VPS26C: variants seen among roughly 807,000 people sequenced by gnomAD.
VPS26C encodes vacuolar protein sorting-associated protein 26C.
Under a neutral mutation model 30.6 loss-of-function variants are expected in VPS26C, and 19 were observed. That is an observed-to-expected ratio of 0.62 (90% CI 0.43 to 0.91). VPS26C has a LOEUF of 0.91. VPS26C is among the 40% of genes least tolerant of loss of function. The pLI, the probability that VPS26C is intolerant of heterozygous loss-of-function variation, is 0.00. For missense variants in VPS26C, 318 were observed against 385.1 expected (o/e 0.83, Z 1.46); for synonymous variants, 132 against 151.5 (o/e 0.87, Z 0.95).
At chr21:37,254,934 G>C (rs886673388) in intron 1 of VPS26C, among the ~76,000 whole-genome samples, 1 of 152,150 alleles carries the variant, frequency 6.6e-6, no homozygotes, top group South Asian at 2.1e-4. Context: ...AGGCTCTGGG[G>C]ACAGATCACC....
intron 1 of VPS26C, among the ~76,000 whole-genome samples, chr21:37,244,638 A>C (rs1385055253): frequency 1.3e-5 from 2 of 152,238 alleles, no homozygotes; most frequent in Non-Finnish European, 2.9e-5. Context: ...CTGGATTTGA[A>C]AATAGTGGCA....
At chr21:37,242,031 C>A (rs527739195) in intron 1 of VPS26C, among the ~76,000 whole-genome samples, 2 of 152,238 alleles carry the variant, frequency 1.3e-5, no homozygotes, top group Admixed American at 1.3e-4. Flanking sequence ...GTTTCCACTC[C>A]CCATCCCAAA....
chr21:37,245,369 G>A (rs1465304387), intron 1 of VPS26C, among the ~76,000 whole-genome samples: 1 of 152,062 alleles, frequency 6.6e-6, no homozygotes. Flanking sequence ...CTGCTCCCTC[G>A]CTCCTGCCCT....
chr21:37,255,472 C>T (rs1256401927), intron 1 of VPS26C, among the ~76,000 whole-genome samples: 1 of 152,188 alleles, frequency 6.6e-6, no homozygotes, highest in Non-Finnish European at 1.5e-5. Flanking sequence ...TACTGGCCAC[C>T]AGAGACCTGC....
At chr21:37,225,693 C>A in intron 7 of VPS26C, 67 bp from the exon 8 acceptor site, 1 of 1,356,540 alleles carries the variant, frequency 7.4e-7, no homozygotes, top group South Asian at 1.2e-5. Context: ...ACGCCGCCAC[C>A]ACTGCAGTCG....
chr21:37,227,357 G>A (rs534043076), intron 7 of VPS26C: 9 of 361,006 alleles, frequency 2.5e-5, no homozygotes, highest in Admixed American at 1.7e-4. Context: ...AGAGCTCAGC[G>A]TCACCTGCCC....
At chr21:37,250,078 C>T (rs940106814) in intron 1 of VPS26C, among the ~76,000 whole-genome samples, 8 of 151,436 alleles carry the variant, frequency 5.3e-5, no homozygotes, top group Non-Finnish European at 8.8e-5. Context: ...CTGAGGCAGG[C>T]GGATCACCTG....
chr21:37,265,050 G>A (rs2086344483), intron 1 of VPS26C, among the ~76,000 whole-genome samples: 2 of 152,194 alleles, frequency 1.3e-5, no homozygotes, highest in African/African-American at 2.4e-5. Flanking sequence ...GCCACATAGT[G>A]TACGATTCCA....
chr21:37,244,953 C>A (rs1442430946), intron 1 of VPS26C, among the ~76,000 whole-genome samples: 1 of 152,190 alleles, frequency 6.6e-6, no homozygotes, highest in African/African-American at 2.4e-5. Flanking sequence ...GTGGTGGAGA[C>A]AATGAGCCCC....
chr21:37,225,491 C>A lies in VPS26C; in HGVS notation c.*53G>T. 2 of 1,501,310 alleles carry A rather than the reference C, an allele frequency of 1.3e-6. No homozygotes were observed. Among genetic ancestry groups the A allele is most frequent in the East Asian group, 4.5e-5 (2 of 44,204 alleles). 93.0% of individuals were successfully genotyped at this position (1,501,310 alleles called of 1,614,324 possible). On this transcript the variant is annotated 3_prime_UTR_variant, in exon 8 of 8. Transcript: ENST00000309117. ...GTAGCTCCCCTTAGGATTTGGATAA[C>A]CAGCTGGATTTCCAGATGGCCACTC...
At chr21:37,253,726 G>A (rs1230643480) in intron 1 of VPS26C, among the ~76,000 whole-genome samples, 1 of 152,100 alleles carries the variant, frequency 6.6e-6, no homozygotes, top group African/African-American at 2.4e-5. Context: ...TCAATAGGAT[G>A]GAGCATCCCT....
Position 37,224,489 on chromosome 21 carries a change from A to G in VPS26C, c.*1055T>C, listed in dbSNP as rs2085878699. 6.6e-6 allele frequency: 1 copy of G among 152,254 alleles called. No homozygotes were observed. The highest frequency in any genetic ancestry group is 2.4e-5 in the African/African-American group (1 of 41,434). The allele number at this position is 152,254 out of a possible 1,614,324, so 9.4% of individuals were successfully genotyped here. The stretch of plus-strand genomic sequence containing the variant: ...GGCTGCCGTGAGCTGTGATCCTGCC[A>G]GTGCACTCAGCCTGCGTGACACAGT... On this transcript the variant is annotated 3_prime_UTR_variant, in exon 8 of 8. Coordinates refer to ENST00000309117, the MANE Select transcript of VPS26C (RefSeq NM_006052.2).
In VPS26C at chr21:37,228,337, G is replaced by C. The variant is rs1231874876; in HGVS notation, c.544C>G (p.Leu182Val). The part of the protein sequence containing the change: ...LLPKFLLRGH[L>V]NSTNCVITQP... ...GTGATGACACAGTTTGTTGAGTTGAGATGTCCTCGAAGGAGAAATTTGGGA... is the reference window on the plus strand; with the variant it reads ...GTGATGACACAGTTTGTTGAGTTGACATGTCCTCGAAGGAGAAATTTGGGA... The change falls in exon 6 of 8, where the codon CTC (leucine) becomes GTC (valine). Residue 182 changes from leucine (L) to valine (V), a missense_variant. Transcript: ENST00000309117. 1 of 1,614,202 alleles carries C rather than the reference G, an allele frequency of 6.2e-7. No homozygotes were observed. The highest frequency in any genetic ancestry group is 1.1e-5 in the South Asian group (1 of 91,088).
intron 1 of VPS26C, among the ~76,000 whole-genome samples, chr21:37,255,948 G>C (rs374141252): frequency 7.0e-6 from 1 of 143,102 alleles, no homozygotes; most frequent in Admixed American, 7.5e-5. Flanking sequence ...TGATTCTCCT[G>C]CCTCAGCCTC....
chr21:37,261,518 ACT>A (rs1468580738), intron 1 of VPS26C: 1 of 151,934 alleles, frequency 6.6e-6, no homozygotes, highest in African/African-American at 2.4e-5. Context: ...CTTGTTAGTT[ACT>A]CTTTTTGTAA....
intron 1 of VPS26C, among the ~76,000 whole-genome samples, chr21:37,241,764 G>T (rs1010938380): frequency 1.3e-5 from 2 of 152,216 alleles, no homozygotes; most frequent in Admixed American, 6.5e-5. Flanking sequence ...TGAGGCTGCA[G>T]CGAGCTGTGA....
chr21:37,255,130 G>A (rs2148304316), intron 1 of VPS26C, among the ~76,000 whole-genome samples: 1 of 152,232 alleles, frequency 6.6e-6, no homozygotes, highest in South Asian at 2.1e-4. Flanking sequence ...GAAACACACG[G>A]TCAAACTATC....
intron 3 of VPS26C, among the ~76,000 whole-genome samples, chr21:37,235,634 A>G (rs938830832): frequency 1.3e-5 from 2 of 152,104 alleles, no homozygotes; most frequent in Non-Finnish European, 2.9e-5. Context: ...AATTTAAATT[A>G]TTGTAAAAAG....
chr21:37,249,773 G>C (rs772517239), intron 1 of VPS26C, among the ~76,000 whole-genome samples: 32 of 152,312 alleles, frequency 2.1e-4, no homozygotes, highest in Non-Finnish European at 4.4e-4. Context: ...TGATAAATCT[G>C]AAAAGAAGGA....
Sources: gnomAD v4.1 joint callset for allele counts (sites outside exome capture counted in the v4.1 genomes callset) on GRCh38, gnomAD v4.1.1 for gene constraint, MANE v1.5 for transcripts, NCBI Gene and HGNC (gene_info 2026-07-23, HGNC 2026-07-21) for gene names.